Variants in KLF12 observed in about 807,000 individuals in gnomAD.
The protein encoded by KLF12 is Krueppel-like factor 12.
In KLF12, 9 loss-of-function variants were observed where a neutral mutation model predicts 37.8. The observed-to-expected ratio is 0.24, with a 90% CI of 0.14 to 0.42. The LOEUF (loss-of-function observed/expected upper bound fraction) is 0.42, where lower values mean the gene tolerates loss of function less well. Ranked by LOEUF, KLF12 falls within the 10% of genes least tolerant of loss-of-function variation. The pLI is 1.00. For missense variants in KLF12, 411 were observed against 516.0 expected (o/e 0.80, Z 1.97); for synonymous variants, 208 against 202.1 (o/e 1.03, Z -0.25).
rs34735252 is a variant in KLF12, at chr13:73,763,795, G to A, written c.869+1143C>T. 9.9e-3 allele frequency among the ~76,000 whole-genome samples: 1,507 copies of A among 152,146 alleles called. 24 individuals are homozygous for A. Among genetic ancestry groups the A allele is most frequent in the South Asian group, 0.024 (114 of 4,814 alleles). On this transcript the variant is annotated intron_variant, in intron 6 of 7. Coordinates refer to ENST00000377669, the MANE Select transcript of KLF12 (RefSeq NM_007249.5). The stretch of plus-strand genomic sequence containing the variant: ...TATTACTCCCTTAGCTTTTCAGGCC[G>A]GACAGGGGATAACATGCTTTAGCAA...
chr13:73,951,359 G>A (rs532721704), intron 2 of KLF12, among the ~76,000 whole-genome samples: 5 of 151,928 alleles, frequency 3.3e-5, no homozygotes, highest in South Asian at 2.1e-4. Context: ...TTTTAACTAC[G>A]GCTATTTTAG....
intron 1 of KLF12, among the ~76,000 whole-genome samples, chr13:74,017,464 G>A (rs1342238781): frequency 6.6e-6 from 1 of 150,534 alleles, no homozygotes; most frequent in African/African-American, 2.4e-5. Flanking sequence ...TCATCTAGTT[G>A]CTGAATACAG....
At chr13:74,302,960 AT>A in the KLF12 span, among the ~76,000 whole-genome samples, 1 of 151,944 alleles carries the variant, frequency 6.6e-6, no homozygotes, top group Non-Finnish European at 1.5e-5. Context: ...CCTTTAACTC[AT>A]TTTTTTAAAC....
chr13:74,223,474 A>G, the KLF12 span, among the ~76,000 whole-genome samples: 1 of 152,214 alleles, frequency 6.6e-6, no homozygotes, highest in Non-Finnish European at 1.5e-5. Flanking sequence ...CATTACCACA[A>G]GACAGCTCCC....
intron 1 of KLF12, among the ~76,000 whole-genome samples, chr13:74,025,723 A>C (rs1438071692): frequency 2.0e-5 from 3 of 152,190 alleles, no homozygotes; most frequent in Admixed American, 2.0e-4. Flanking sequence ...GCCTTTTTAT[A>C]AACAGTCACT....
intron 2 of KLF12, among the ~76,000 whole-genome samples, chr13:73,947,818 A>AAT (rs1033714599): frequency 1.3e-5 from 2 of 152,184 alleles, no homozygotes; most frequent in Non-Finnish European, 2.9e-5. Context: ...GAACTCATAA[A>AAT]AACATACAAT....
intron 5 of KLF12, among the ~76,000 whole-genome samples, chr13:73,769,223 T>C (rs1325719608): frequency 6.6e-6 from 1 of 152,232 alleles, no homozygotes; most frequent in African/African-American, 2.4e-5. Context: ...GCTATAGCCA[T>C]GCTTCCTCAC....
chr13:74,017,630 G>A (rs914954818), intron 1 of KLF12, among the ~76,000 whole-genome samples: 5 of 122,768 alleles, frequency 4.1e-5, no homozygotes, highest in Admixed American at 1.2e-4. Context: ...TATCTTTTTC[G>A]TTACAAATAG....
intron 2 of KLF12, among the ~76,000 whole-genome samples, chr13:73,982,581 A>T (rs1315048760): frequency 6.6e-6 from 1 of 152,266 alleles, no homozygotes; most frequent in Admixed American, 6.5e-5. Flanking sequence ...TAGATGCCTT[A>T]TTATAAAATT....
intron 6 of KLF12, among the ~76,000 whole-genome samples, chr13:73,758,060 T>C (rs542659381): frequency 6.6e-6 from 1 of 151,758 alleles, no homozygotes; most frequent in South Asian, 2.1e-4. Flanking sequence ...GCTTTGAGTT[T>C]TAATTTTTCT....
the KLF12 span, among the ~76,000 whole-genome samples, chr13:74,154,305 T>C: frequency 1.3e-5 from 2 of 152,182 alleles, no homozygotes; most frequent in Non-Finnish European, 2.9e-5. Context: ...TAAATTGTAT[T>C]GGTTGAATTT....
intron 3 of KLF12, among the ~76,000 whole-genome samples, chr13:73,850,773 G>A (rs9543474): frequency 5.9e-5 from 9 of 152,120 alleles, no homozygotes; most frequent in Non-Finnish European, 1.2e-4. Flanking sequence ...TTCAGTCATC[G>A]GTCATTTAAA....
In KLF12 at chr13:73,822,007, T is replaced by C. The variant is rs143847290; in HGVS notation, c.671-8720A>G. 2.4e-3 allele frequency among the ~76,000 whole-genome samples: 364 copies of C among 152,320 alleles called. 2 individuals are homozygous for C. The highest frequency in any genetic ancestry group is 7.8e-3 in the African/African-American group (326 of 41,572). On this transcript the variant is annotated intron_variant, in intron 4 of 7. Coordinates refer to ENST00000377669, the MANE Select transcript of KLF12 (RefSeq NM_007249.5). ...ATTTTGTTTCTCCAATTATGCTGTTTACTCCTTGAGAGGGGAGACCACGTC... is the reference window on the plus strand; with the variant it reads ...ATTTTGTTTCTCCAATTATGCTGTTCACTCCTTGAGAGGGGAGACCACGTC...
Position 73,689,577 on chromosome 13 carries a change from G to A in KLF12, c.*5913C>T, listed in dbSNP as rs1016143571. The A allele has an allele frequency of 2.6e-5, 4 of 152,164 alleles. No individual in the cohort carries two copies. Among genetic ancestry groups the A allele is most frequent in the Non-Finnish European group, 5.9e-5 (4 of 68,036 alleles). The allele number at this position is 152,164 out of a possible 1,614,324, so 9.4% of individuals were successfully genotyped here. A position where few individuals can be genotyped will look rare whatever the true frequency, so the allele number is the denominator to read the frequency against. Reference sequence around the variant, plus strand: ...TACAGGAAAAAACCTGTGAGCTTCTGAATGTGCATCTGGTAATTTTTAGGA... The same window carrying A: ...TACAGGAAAAAACCTGTGAGCTTCTAAATGTGCATCTGGTAATTTTTAGGA... On this transcript the variant is annotated 3_prime_UTR_variant, in exon 8 of 8. Transcript: ENST00000377669.
intron 6 of KLF12, among the ~76,000 whole-genome samples, chr13:73,719,342 G>A (rs1351975642): frequency 1.3e-5 from 2 of 151,528 alleles, no homozygotes; most frequent in East Asian, 3.9e-4. Flanking sequence ...TCTGAACCAA[G>A]TCCATGGCTG....
chr13:73,882,424 T>C (rs971907699), intron 3 of KLF12, among the ~76,000 whole-genome samples: 43 of 152,228 alleles, frequency 2.8e-4, no homozygotes, highest in African/African-American at 1.0e-3. Flanking sequence ...GATTTTAATT[T>C]ATTACACAAA....
chr13:73,755,325 A>G (rs1050279327), intron 6 of KLF12, among the ~76,000 whole-genome samples: 7 of 152,204 alleles, frequency 4.6e-5, no homozygotes, highest in Admixed American at 3.3e-4. Context: ...AGGGTGTTCC[A>G]AATACATTAC....
the KLF12 span, among the ~76,000 whole-genome samples, chr13:74,192,396 T>C: frequency 6.6e-6 from 1 of 152,202 alleles, no homozygotes; most frequent in Non-Finnish European, 1.5e-5. Flanking sequence ...CAGATACGAC[T>C]ACAGTCCTTG....
At chr13:73,967,004 C>G (rs1891187159) in intron 2 of KLF12, among the ~76,000 whole-genome samples, 1 of 152,104 alleles carries the variant, frequency 6.6e-6, no homozygotes, top group Non-Finnish European at 1.5e-5. Flanking sequence ...AAATGACTTC[C>G]AGGATATGCG....
Sources: allele counts gnomAD v4.1 joint callset (sites outside exome capture counted in the v4.1 genomes callset), GRCh38; gene constraint gnomAD v4.1.1; transcripts MANE v1.5; gene names NCBI Gene and HGNC (gene_info 2026-07-23, HGNC 2026-07-21).